The following MON2 variants were observed in gnomAD, a reference collection of about 807,000 sequenced individuals.
MON2 encodes protein MON2 homolog.
A neutral mutation model predicts 208.6 loss-of-function variants in MON2; 84 were observed. The ratio of observed to expected loss-of-function variants is 0.40; its 90% CI spans 0.34 to 0.48. The LOEUF (loss-of-function observed/expected upper bound fraction) is 0.48. Among genes scored for constraint, MON2 ranks in the 20% least tolerant of loss-of-function variants. The probability of loss-of-function intolerance (pLI) is 0.59; values close to 1 mark genes in which losing one functional copy is unlikely to be tolerated. For missense variants in MON2, 1,611 were observed against 2,015.4 expected (o/e 0.80, Z 3.84); for synonymous variants, 660 against 694.0 (o/e 0.95, Z 0.77).
rs2075595323 is a variant in MON2 at position 62,600,135 on chromosome 12, A to G, written c.*7386A>G. ...TGTCCTCCTCTGTGAAATGGAGTTA[A>G]TCGTGGTATTTAACAGAATTCAAAA... On this transcript the variant is annotated 3_prime_UTR_variant, in exon 35 of 35. Coordinates refer to ENST00000393630, the MANE Select transcript of MON2 (RefSeq NM_015026.3). The G allele has an allele frequency of 1.3e-5, 2 of 152,218 alleles. No individual in the cohort carries two copies. Among genetic ancestry groups the G allele is most frequent in the South Asian group, 2.1e-4 (1 of 4,834 alleles). 9.4% of individuals were successfully genotyped at this position (152,218 alleles called of 1,614,324 possible). A position where few individuals can be genotyped will look rare whatever the true frequency, so the allele number is the denominator to read the frequency against.
chr12:62,544,193 C>T (rs911089246), intron 20 of MON2, among the ~76,000 whole-genome samples: 1 of 151,970 alleles, frequency 6.6e-6, no homozygotes, highest in African/African-American at 2.4e-5. Flanking sequence ...ACCTATAATC[C>T]CAGCACTTTG....
rs11372859 is a variant in MON2 at position 62,506,725 on chromosome 12, C to CAA, written c.790-1549_790-1548dup. Among the ~76,000 whole-genome samples the CAA allele has an allele frequency of 5.1e-3, 734 of 144,634 alleles. 3 individuals are homozygous for CAA. The highest frequency in any genetic ancestry group is 0.016 in the African/African-American group (634 of 39,558). The allele number at this position is 144,634 out of a possible 152,430, so 94.9% of individuals were successfully genotyped here. A position where few individuals can be genotyped will look rare whatever the true frequency, so the allele number is the denominator to read the frequency against. On this transcript the variant is annotated intron_variant, in intron 7 of 34. Coordinates refer to ENST00000393630, the MANE Select transcript of MON2 (RefSeq NM_015026.3). ...TGGGTAACAGAGTGAAACTCCATCT[C>CAA]AAAAAAAAAAAAAGATACATTTAAA...
intron 8 of MON2, among the ~76,000 whole-genome samples, chr12:62,519,506 T>C (rs1460194296): frequency 3.9e-5 from 6 of 152,206 alleles, no homozygotes; most frequent in Non-Finnish European, 7.3e-5. Flanking sequence ...TATTAAGAAT[T>C]AAAGCTGAAA....
intron 29 of MON2, among the ~76,000 whole-genome samples, chr12:62,571,137 T>A (rs182859250): frequency 2.8e-4 from 42 of 152,302 alleles, no homozygotes; most frequent in African/African-American, 9.6e-4. Context: ...AAACTGAGGT[T>A]CAAAAATGTT....
chr12:62,491,275 G>A (rs2070121350), intron 2 of MON2, among the ~76,000 whole-genome samples: 1 of 152,130 alleles, frequency 6.6e-6, no homozygotes, highest in Admixed American at 6.5e-5. Flanking sequence ...CAATAGTGAA[G>A]TATTCTTTCA....
chr12:62,506,093 A>T (rs1049033489), intron 7 of MON2, among the ~76,000 whole-genome samples: 2 of 152,118 alleles, frequency 1.3e-5, no homozygotes, highest in African/African-American at 4.8e-5. Context: ...GAATTGGTAA[A>T]ACTTTTAAGA....
intron 8 of MON2, among the ~76,000 whole-genome samples, chr12:62,509,475 A>G (rs1489678577): frequency 6.6e-6 from 1 of 152,202 alleles, no homozygotes; most frequent in Non-Finnish European, 1.5e-5. Flanking sequence ...TACTTCCAAT[A>G]AAGGTAGAAC....
chr12:62,527,788 G>A (rs2072410128), intron 11 of MON2, among the ~76,000 whole-genome samples: 1 of 151,226 alleles, frequency 6.6e-6, no homozygotes, highest in South Asian at 2.1e-4. Flanking sequence ...TCTCCCTGAG[G>A]AAATAATACT....
rs980584077 is a variant in MON2, at chr12:62,516,644, C to T, written c.985-7871C>T. 2.6e-5 allele frequency among the ~76,000 whole-genome samples: 4 copies of T among 152,172 alleles called. No homozygotes were observed. The East Asian group carries it at 5.8e-4, about 22-fold the overall frequency. On this transcript the variant is annotated intron_variant, in intron 8 of 34. Transcript: ENST00000393630. ...GCTTGAACCCAGGAGGCGGAGGTTG[C>T]GGCGAGCCAAGATTGTGCGATTGCA...
chr12:62,595,943 G>C lies in MON2; in HGVS notation c.*3194G>C, dbSNP rs1446513542. The C allele has an allele frequency of 6.6e-6, 1 of 152,144 alleles. No individual in the cohort carries two copies. The highest frequency in any genetic ancestry group is 2.4e-5 in the African/African-American group (1 of 41,416). 9.4% of individuals were successfully genotyped at this position (152,144 alleles called of 1,614,324 possible). A position where few individuals can be genotyped will look rare whatever the true frequency, so the allele number is the denominator to read the frequency against. ...AATTTGTATGTATCATCAGAAGAAAGAGATGAACAATTTAGTGTAGATATT... is the reference window on the plus strand; with the variant it reads ...AATTTGTATGTATCATCAGAAGAAACAGATGAACAATTTAGTGTAGATATT... On this transcript the variant is annotated 3_prime_UTR_variant, in exon 35 of 35. Transcript: ENST00000393630.
intron 34 of MON2, among the ~76,000 whole-genome samples, chr12:62,589,973 C>T (rs2075344679): frequency 6.6e-6 from 1 of 152,036 alleles, no homozygotes; most frequent in Admixed American, 6.6e-5. Flanking sequence ...GATGATATAA[C>T]ATTTTAGAAA....
chr12:62,478,436 C>T (rs2069213805), intron 1 of MON2, among the ~76,000 whole-genome samples: 1 of 152,154 alleles, frequency 6.6e-6, no homozygotes, highest in African/African-American at 2.4e-5. Flanking sequence ...ATTTCCGTCA[C>T]TGCTTATGAC....
chr12:62,508,729 C>T (rs1220178922), intron 8 of MON2: 3 of 382,072 alleles, frequency 7.9e-6, no homozygotes, highest in Admixed American at 4.1e-5. Flanking sequence ...TAGGAATTGT[C>T]GTTTTGGAAC....
intron 8 of MON2, among the ~76,000 whole-genome samples, chr12:62,524,182 G>T (rs1565645059): frequency 6.6e-6 from 1 of 152,134 alleles, no homozygotes; most frequent in Non-Finnish European, 1.5e-5. Flanking sequence ...AGCAGTTTAT[G>T]TGGTACATGC....
At chr12:62,485,249 T>C (rs990970170) in intron 2 of MON2, among the ~76,000 whole-genome samples, 23 of 152,242 alleles carry the variant, frequency 1.5e-4, no homozygotes, top group African/African-American at 4.6e-4. Flanking sequence ...AGTAGTGCTG[T>C]TGATCTCAGC....
At position 62,493,979 on chromosome 12, in the gene MON2, G is replaced by A; in HGVS notation, c.240G>A (p.Pro80=). 3.1e-6 allele frequency: 5 copies of A among 1,613,064 alleles called. No individual in the cohort carries two copies. The highest frequency in any genetic ancestry group is 4.2e-6 in the Non-Finnish European group (5 of 1,179,308). Residue 80 remains proline (P), a synonymous_variant, in exon 3 of 35, where the codon CCG becomes CCA. Transcript: ENST00000393630. ...TAATGGGTTGTGGAACCAAGGAACC[G>A]AAGATCACTCAGCTATGTTTGGCTG... The part of the protein sequence containing the change: ...PFLMGCGTKE[P]KITQLCLAAI...
At chr12:62,502,745 C>T (rs1158200341) in intron 7 of MON2, among the ~76,000 whole-genome samples, 1 of 152,082 alleles carries the variant, frequency 6.6e-6, no homozygotes, top group Non-Finnish European at 1.5e-5. Context: ...TGCACAGGGT[C>T]CCTTAGTTAT....
intron 25 of MON2, among the ~76,000 whole-genome samples, chr12:62,557,570 T>C (rs2074015591): frequency 6.6e-6 from 1 of 152,196 alleles, no homozygotes; most frequent in African/African-American, 2.4e-5. Context: ...AGAGATACTT[T>C]TGTACATAGT....
At chr12:62,525,008 C>A in intron 9 of MON2, 76 bp from the exon 10 acceptor site, 1 of 1,217,542 alleles carries the variant, frequency 8.2e-7, no homozygotes, top group Non-Finnish European at 1.2e-6. Flanking sequence ...ATAGTAATAT[C>A]ACTTGCTATA....
Sources: gnomAD v4.1 joint callset for allele counts (sites outside exome capture counted in the v4.1 genomes callset) on GRCh38, gnomAD v4.1.1 for gene constraint, MANE v1.5 for transcripts, NCBI Gene and HGNC (gene_info 2026-07-23, HGNC 2026-07-21) for gene names.